The following LRRTM4 variants were observed in gnomAD, a reference collection of about 807,000 sequenced individuals.
LRRTM4 encodes the protein leucine rich repeat transmembrane neuronal 4.
A neutral mutation model predicts 47.6 loss-of-function variants in LRRTM4; 25 were observed. That is an observed-to-expected ratio of 0.53 (90% confidence interval 0.38 to 0.73). The LOEUF (loss-of-function observed/expected upper bound fraction) is 0.73. Among genes scored for constraint, LRRTM4 ranks in the 30% least tolerant of loss-of-function variants. The pLI is 0.00. For synonymous variants in LRRTM4, 311 were observed against 269.5 expected, an observed-to-expected ratio of 1.15 and a Z score of -1.51; for missense variants, 638 against 713.4, an observed-to-expected ratio of 0.89 and a Z score of 1.20.
chr2:77,480,825 GA>G (rs1677663368), intron 3 of LRRTM4, among the ~76,000 whole-genome samples: 35 of 25,482 alleles, frequency 1.4e-3, no homozygotes, highest in Admixed American at 3.6e-3. Flanking sequence ...TGTGTGTGGA[GA>G]GAGAGAGAGA....
intron 3 of LRRTM4, among the ~76,000 whole-genome samples, chr2:76,893,702 C>T (rs1408854196): frequency 6.6e-6 from 1 of 151,660 alleles, no homozygotes; most frequent in African/African-American, 2.4e-5. Context: ...CAAGTTTGAC[C>T]CAATAATAAA....
At chr2:77,013,377 A>G (rs1360204177) in intron 3 of LRRTM4, among the ~76,000 whole-genome samples, 2 of 152,158 alleles carry the variant, frequency 1.3e-5, no homozygotes, top group African/African-American at 4.8e-5. Flanking sequence ...GAGAATGGAT[A>G]TTACTGTGGA....
chr2:76,929,275 G>A (rs1674690064), intron 3 of LRRTM4, among the ~76,000 whole-genome samples: 1 of 152,090 alleles, frequency 6.6e-6, no homozygotes, highest in South Asian at 2.1e-4. Flanking sequence ...TAAACAGCTA[G>A]ATGTTTCGCA....
At chr2:77,389,453 T>C (rs1414443260) in intron 3 of LRRTM4, among the ~76,000 whole-genome samples, 1 of 152,088 alleles carries the variant, frequency 6.6e-6, no homozygotes, top group Non-Finnish European at 1.5e-5. Context: ...CAAAAGTAAC[T>C]AGTAGGTGAG....
chr2:77,081,283 C>CAG (rs1680523232), intron 3 of LRRTM4, among the ~76,000 whole-genome samples: 1 of 131,088 alleles, frequency 7.6e-6, no homozygotes, highest in Non-Finnish European at 1.5e-5. Context: ...CACACACACA[C>CAG]ACACACACAT....
At chr2:77,372,625 G>C (rs1672692051) in intron 3 of LRRTM4, among the ~76,000 whole-genome samples, 1 of 151,672 alleles carries the variant, frequency 6.6e-6, no homozygotes, top group South Asian at 2.1e-4. Flanking sequence ...ATCCAATAAA[G>C]AATAAATTGC....
chr2:76,806,513 G>A (rs1236506130), intron 3 of LRRTM4, among the ~76,000 whole-genome samples: 2 of 152,060 alleles, frequency 1.3e-5, no homozygotes, highest in Admixed American at 6.6e-5. Context: ...CCCAGCTGGC[G>A]GAGGTTGCAA....
intron 3 of LRRTM4, among the ~76,000 whole-genome samples, chr2:76,958,599 T>C (rs1256129417): frequency 3.3e-5 from 5 of 151,726 alleles, no homozygotes; most frequent in Non-Finnish European, 5.9e-5. Context: ...CCTCACACTA[T>C]CTCTCATGTG....
chr2:77,011,483 T>G (rs1260985903), intron 3 of LRRTM4, among the ~76,000 whole-genome samples: 2 of 151,690 alleles, frequency 1.3e-5, no homozygotes, highest in Non-Finnish European at 2.9e-5. Flanking sequence ...ATTGTTGAGC[T>G]TGATGTCTCT....
At chr2:76,868,557 T>C (rs1011386601) in intron 3 of LRRTM4, among the ~76,000 whole-genome samples, 5 of 152,172 alleles carry the variant, frequency 3.3e-5, no homozygotes, top group Non-Finnish European at 5.9e-5. Flanking sequence ...TAGGATTATA[T>C]TAGAGACAGG....
chr2:77,215,812 A>G (rs1674419501), intron 3 of LRRTM4, among the ~76,000 whole-genome samples: 1 of 152,226 alleles, frequency 6.6e-6, no homozygotes, highest in African/African-American at 2.4e-5. Flanking sequence ...AACAATGTCA[A>G]TTAGAGTAAA....
intron 3 of LRRTM4, among the ~76,000 whole-genome samples, chr2:77,219,392 G>T (rs1674553318): frequency 6.6e-6 from 1 of 152,082 alleles, no homozygotes; most frequent in Non-Finnish European, 1.5e-5. Flanking sequence ...AAAAACACCA[G>T]AAGGCCTCAA....
intron 3 of LRRTM4, among the ~76,000 whole-genome samples, chr2:77,053,758 AAAGT>A (rs1023536669): frequency 1.2e-4 from 18 of 152,204 alleles, no homozygotes; most frequent in South Asian, 4.1e-4. Context: ...AACTGAAAAA[AAAGT>A]AAGGGAAAAT....
intron 3 of LRRTM4, among the ~76,000 whole-genome samples, chr2:77,046,100 C>T (rs1457676847): frequency 1.3e-5 from 2 of 151,874 alleles, no homozygotes; most frequent in Admixed American, 6.6e-5. Flanking sequence ...GTAAGTGGTT[C>T]TTCTCTTGTA....
chr2:77,263,728 C>T (rs1177819443), intron 3 of LRRTM4, among the ~76,000 whole-genome samples: 3 of 152,006 alleles, frequency 2.0e-5, no homozygotes, highest in African/African-American at 7.2e-5. Flanking sequence ...CTTCTTAATC[C>T]CCTGGCTAAT....
At chr2:77,074,723 A>G (rs1680275904) in intron 3 of LRRTM4, among the ~76,000 whole-genome samples, 2 of 152,178 alleles carry the variant, frequency 1.3e-5, no homozygotes, top group Non-Finnish European at 2.9e-5. Flanking sequence ...ATTAGCATGA[A>G]AAAAGGTCAA....
intron 3 of LRRTM4, among the ~76,000 whole-genome samples, chr2:77,075,461 T>C (rs574564517): frequency 6.6e-6 from 1 of 152,172 alleles, no homozygotes; most frequent in South Asian, 2.1e-4. Context: ...TCACAGTAAT[T>C]AGGAGGATAT....
chr2:77,465,828 A>T (rs905282313), intron 3 of LRRTM4, among the ~76,000 whole-genome samples: 4 of 152,144 alleles, frequency 2.6e-5, no homozygotes, highest in Non-Finnish European at 4.4e-5. Flanking sequence ...AGCAACATTT[A>T]TTTGGTTTTC....
intron 3 of LRRTM4, among the ~76,000 whole-genome samples, chr2:77,250,416 G>A (rs1157042622): frequency 2.0e-5 from 3 of 152,156 alleles, no homozygotes; most frequent in African/African-American, 7.2e-5. Flanking sequence ...GGAGTAGAGG[G>A]ATATATGGGA....
Sources: allele counts gnomAD v4.1 joint callset (sites outside exome capture counted in the v4.1 genomes callset), GRCh38; gene constraint gnomAD v4.1.1; transcripts MANE v1.5; gene names NCBI Gene and HGNC (gene_info 2026-07-23, HGNC 2026-07-21).